Variants in STK31 observed in about 807,000 individuals in gnomAD.
STK31 encodes serine/threonine-protein kinase 31.
In STK31, 89 loss-of-function variants were observed where a neutral mutation model predicts 129.7. That is an observed-to-expected ratio of 0.69 (90% CI 0.58 to 0.82). The LOEUF (loss-of-function observed/expected upper bound fraction) is 0.82. STK31 is among the 40% of genes least tolerant of loss of function. The pLI is 0.00. For synonymous variants in STK31, 448 were observed against 395.3 expected (o/e 1.13, Z -1.58); for missense variants, 1,187 against 1,176.4 (o/e 1.01, Z -0.13).
chr7:23,769,155 G>A lies in STK31; in HGVS notation c.1577G>A (p.Trp526Ter). 7 of 1,595,034 alleles carry A rather than the reference G, an allele frequency of 4.4e-6. No homozygotes were observed. The highest frequency in any genetic ancestry group is 5.1e-6 in the Non-Finnish European group (6 of 1,173,398). Residue 526 changes from tryptophan to a stop codon, truncating the protein, a stop_gained, in exon 12 of 24, where the codon TGG becomes TAG. Coordinates refer to ENST00000355870, the MANE Select transcript of STK31 (RefSeq NM_031414.5). LOFTEE classifies it high-confidence loss of function. ...TDASLHRLVAWFQRTLKVFDL... is the reference protein window; with the variant it reads ...TDASLHRLVA ...GCTTCTCTGCACCGTCTTGTAGCAT[G>A]GTTCCAAAGAACCTTAAAGGTAATA...
chr7:23,798,021 A>G (rs1009894141), intron 22 of STK31, among the ~76,000 whole-genome samples: 10 of 152,192 alleles, frequency 6.6e-5, no homozygotes, highest in African/African-American at 2.4e-4. Context: ...AAATTCCTGG[A>G]CACATACACC....
At chr7:23,785,397 A>G (rs1584443250) in intron 17 of STK31, 81 bp from the exon 18 acceptor site, 1 of 1,553,576 alleles carries the variant, frequency 6.4e-7, no homozygotes. Context: ...GTCATTTAAT[A>G]TCGTGTAACT....
chr7:23,763,217 A>G (rs1789581076), intron 11 of STK31, among the ~76,000 whole-genome samples: 1 of 152,180 alleles, frequency 6.6e-6, no homozygotes, highest in Non-Finnish European at 1.5e-5. Flanking sequence ...CCTATCGTCC[A>G]TTGCATTCTA....
intron 23 of STK31, among the ~76,000 whole-genome samples, chr7:23,820,272 A>G (rs1436820539): frequency 4.6e-5 from 7 of 152,196 alleles, no homozygotes; most frequent in Non-Finnish European, 1.0e-4. Flanking sequence ...AGTGGAACCT[A>G]TGCATATGAA....
rs571136744 is a variant in STK31 at position 23,825,043 on chromosome 7, A to G, written c.2830-7093A>G. On this transcript the variant is annotated intron_variant, in intron 23 of 23. Coordinates refer to ENST00000355870, the MANE Select transcript of STK31 (RefSeq NM_031414.5). Reference sequence around the variant, plus strand: ...TTTTGCATCAATGTTCATCAAGAATATTGGTCTAAAATTGTCTTTTTTGGT... The same window carrying G: ...TTTTGCATCAATGTTCATCAAGAATGTTGGTCTAAAATTGTCTTTTTTGGT... Among the ~76,000 whole-genome samples the G allele has an allele frequency of 3.9e-3, 595 of 152,172 alleles. 4 individuals are homozygous for G. Among genetic ancestry groups the G allele is most frequent in the Middle Eastern group, 0.02 (6 of 294 alleles).
rs768232877 is a variant in STK31 at position 23,754,357 on chromosome 7, T to A, written c.1176T>A (p.Asp392Glu). 14 of 1,613,388 alleles carry A rather than the reference T, an allele frequency of 8.7e-6. No homozygotes were observed. Among genetic ancestry groups the A allele is most frequent in the Non-Finnish European group, 1.1e-5 (13 of 1,179,824 alleles). Residue 392 changes from aspartate (D) to glutamate (E), a missense_variant, in exon 10 of 24, where the codon GAT (aspartate) becomes GAA (glutamate). This residue lies in a region of STK31 where 975 missense variants were observed against 934.9 expected (regional missense o/e 1.04). Coordinates refer to ENST00000355870, the MANE Select transcript of STK31 (RefSeq NM_031414.5). The stretch of plus-strand genomic sequence containing the variant: ...TCCGTTTCGGAAAAGACCTTTCAGA[T>A]GCTATACAAGTGTTGGATGAAGGGT... ...ISVRFGKDLS[D>E]AIQVLDEGCF...
At chr7:23,715,873 AT>A (rs1431774055) in intron 3 of STK31, among the ~76,000 whole-genome samples, 4 of 152,112 alleles carry the variant, frequency 2.6e-5, no homozygotes, top group Non-Finnish European at 5.9e-5. Flanking sequence ...TATATTTAAC[AT>A]TTTATTTTGA....
At chr7:23,729,928 A>C (rs138257856) in intron 6 of STK31, among the ~76,000 whole-genome samples, 14 of 152,214 alleles carry the variant, frequency 9.2e-5, no homozygotes, top group Admixed American at 2.6e-4. Flanking sequence ...AAATACCACA[A>C]ATTTGAAATT....
At chr7:23,766,876 T>C (rs550278369) in intron 11 of STK31, among the ~76,000 whole-genome samples, 8 of 152,174 alleles carry the variant, frequency 5.3e-5, no homozygotes, top group Non-Finnish European at 1.0e-4. Flanking sequence ...CTTTTTATCT[T>C]ATGTAGGAGG....
intron 4 of STK31, among the ~76,000 whole-genome samples, chr7:23,718,022 C>T (rs1056717555): frequency 1.3e-5 from 2 of 151,918 alleles, no homozygotes; most frequent in South Asian, 2.1e-4. Context: ...TGAATGGTGG[C>T]GAAGGTTGCA....
At chr7:23,744,507 TTCTTG>T (rs1447817805) in intron 8 of STK31, among the ~76,000 whole-genome samples, 1 of 152,214 alleles carries the variant, frequency 6.6e-6, no homozygotes, top group Non-Finnish European at 1.5e-5. Context: ...GAGTTATATT[TTCTTG>T]TCTTCTCATG....
At chr7:23,797,684 A>G (rs1192346937) in intron 22 of STK31, among the ~76,000 whole-genome samples, 1 of 152,216 alleles carries the variant, frequency 6.6e-6, no homozygotes. Flanking sequence ...CGACACCCTA[A>G]CATCACAATT....
chr7:23,771,884 G>A (rs1356934790), intron 14 of STK31: 1 of 212,060 alleles, frequency 4.7e-6, no homozygotes, highest in East Asian at 1.0e-4. Context: ...TACTAACAAT[G>A]TGTGTTTTAT....
intron 11 of STK31, among the ~76,000 whole-genome samples, chr7:23,766,190 A>G (rs1789812895): frequency 6.6e-6 from 1 of 152,220 alleles, no homozygotes; most frequent in Non-Finnish European, 1.5e-5. Flanking sequence ...GCTGACTATA[A>G]AATAGCAAGT....
At chr7:23,773,716 CTTGTGTGTGTGTGTGTGAGTGTGT>C (rs1343230558) in intron 15 of STK31, among the ~76,000 whole-genome samples, 2 of 137,254 alleles carry the variant, frequency 1.5e-5, no homozygotes, top group African/African-American at 5.4e-5. Context: ...GGTTTCCTGA[CTTGTGTGTGTGTGTGTGAGTGTGT>C]GTGTGTGTGT....
At chr7:23,792,971 A>C (rs73082967) in intron 22 of STK31, among the ~76,000 whole-genome samples, 1 of 152,138 alleles carries the variant, frequency 6.6e-6, no homozygotes, top group East Asian at 1.9e-4. Flanking sequence ...ACAGTAAGCT[A>C]TGACTGCTCC....
At chr7:23,765,963 G>A (rs971257345) in intron 11 of STK31, among the ~76,000 whole-genome samples, 6 of 152,100 alleles carry the variant, frequency 3.9e-5, no homozygotes, top group African/African-American at 1.4e-4. Context: ...TTTTAGTCAC[G>A]GGTTATTATA....
chr7:23,829,329 A>T (rs150600385), intron 23 of STK31, among the ~76,000 whole-genome samples: 2 of 152,180 alleles, frequency 1.3e-5, no homozygotes, highest in African/African-American at 4.8e-5. Context: ...AGCTTTTATC[A>T]TAAAGGGATG....
At chr7:23,812,683 C>T (rs575662382) in intron 22 of STK31, among the ~76,000 whole-genome samples, 23 of 148,986 alleles carry the variant, frequency 1.5e-4, no homozygotes, top group Non-Finnish European at 3.0e-4. Context: ...CCCACCTTTT[C>T]GAATCTTCAG....
Sources: allele counts gnomAD v4.1 joint callset (sites outside exome capture counted in the v4.1 genomes callset), GRCh38; gene constraint gnomAD v4.1.1; regional missense constraint gnomAD v4.1.1; transcripts MANE v1.5; gene names NCBI Gene and HGNC (gene_info 2026-07-23, HGNC 2026-07-21).